TXNRD2: variants seen among roughly 807,000 people sequenced by gnomAD.
TXNRD2 encodes the protein thioredoxin reductase 2.
Under a neutral mutation model 70.8 loss-of-function variants are expected in TXNRD2, and 67 were observed. The observed-to-expected ratio is 0.95, with a 90% CI of 0.78 to 1.16. The LOEUF is 1.16. Ranked by LOEUF, TXNRD2 falls within the 50% of genes most tolerant of loss-of-function variation. The pLI, the probability that TXNRD2 is intolerant of heterozygous loss-of-function variation, is 0.00. For synonymous variants in TXNRD2, 301 were observed against 295.8 expected (o/e 1.02, Z -0.18); for missense variants, 644 against 719.9 (o/e 0.89, Z 1.21).
chr22:19,883,679 C>A, intron 11 of TXNRD2: 1 of 612,442 alleles, frequency 1.6e-6, no homozygotes, highest in Non-Finnish European at 2.9e-6. Context: ...CTCAGCCAGG[C>A]GTGATGGCTC....
intron 8 of TXNRD2, among the ~76,000 whole-genome samples, chr22:19,904,479 C>T (rs969669953): frequency 1.6e-4 from 25 of 152,196 alleles, no homozygotes; most frequent in African/African-American, 4.6e-4. Flanking sequence ...ACTTGGGGCC[C>T]GAGGTGCACT....
At chr22:19,897,464 C>A (rs867056968) in intron 10 of TXNRD2, among the ~76,000 whole-genome samples, 68 of 152,320 alleles carry the variant, frequency 4.5e-4, no homozygotes, top group African/African-American at 1.5e-3. Context: ...AAGAAAATCT[C>A]TATTGCTCCA....
chr22:19,895,563 T>C lies in TXNRD2; in HGVS notation c.793A>G (p.Ile265Val). The C allele has an allele frequency of 6.2e-7, 1 of 1,612,430 alleles. No individual in the cohort carries two copies. Among genetic ancestry groups the C allele is most frequent in the African/African-American group, 1.3e-5 (1 of 75,072 alleles). Reference protein sequence around the residue: ...GFDQQMSSMVIEHMASHGTRF... With the variant: ...GFDQQMSSMVVEHMASHGTRF... ...GTGCCATGAGATGCCATGTGCTCTA[T>C]GACCATGGAGGACATTTGCTGCAAA... The change falls in exon 11 of 18, where the codon ATA becomes GTA. Residue 265 changes from isoleucine to valine, a missense_variant. Around this residue, in one of 3 missense-constraint regions of TXNRD2, gnomAD observed 566 missense variants for 645.0 expected, o/e 0.88. Transcript: ENST00000400521.
chr22:19,933,136 G>A (rs914467467), intron 1 of TXNRD2, among the ~76,000 whole-genome samples: 1 of 152,230 alleles, frequency 6.6e-6, no homozygotes, highest in African/African-American at 2.4e-5. Context: ...TCACCTGGCA[G>A]CCAGCCTCTG....
At chr22:19,910,383 A>G (rs911750101) in intron 8 of TXNRD2, among the ~76,000 whole-genome samples, 4 of 152,164 alleles carry the variant, frequency 2.6e-5, no homozygotes, top group Non-Finnish European at 4.4e-5. Context: ...AGGGTGTTAG[A>G]TGAGGGCTGG....
chr22:19,911,132 TA>T, intron 8 of TXNRD2: 10 of 599,206 alleles, frequency 1.7e-5, no homozygotes, highest in Middle Eastern at 3.9e-4. Context: ...GGTCTCACTA[TA>T]TTGCCCAGGC....
intron 8 of TXNRD2, among the ~76,000 whole-genome samples, chr22:19,904,744 G>C (rs1939932055): frequency 6.6e-6 from 1 of 152,128 alleles, no homozygotes; most frequent in Non-Finnish European, 1.5e-5. Flanking sequence ...TGGTGGAGGA[G>C]CCAACCAGGG....
rs202082297 is a variant in TXNRD2 at position 19,882,926 on chromosome 22, G to A, written c.1086+399C>T. Among the ~76,000 whole-genome samples, 118 of 152,376 alleles carry A rather than the reference G, an allele frequency of 7.7e-4. 1 individual carries two copies. The East Asian group carries it at 0.019, about 25-fold the overall frequency. On this transcript the variant is annotated intron_variant, in intron 12 of 17. Transcript: ENST00000400521. Reference sequence around the variant, plus strand: ...GGGGAGGGCGGGGCCAGGTGGGCCCGAACTAGACCTGCCTCTCAACCCTGT... The same window carrying A: ...GGGGAGGGCGGGGCCAGGTGGGCCCAAACTAGACCTGCCTCTCAACCCTGT...
chr22:19,883,803 A>C, intron 11 of TXNRD2: 3 of 339,866 alleles, frequency 8.8e-6, no homozygotes, highest in Non-Finnish European at 1.1e-5. Context: ...AAAATACAAA[A>C]TTACCTAGGC....
At position 19,918,352 on chromosome 22, in the gene TXNRD2, C is replaced by A. The variant is rs542653268; in HGVS notation, c.375-135G>T. The A allele has an allele frequency of 5.0e-6, 4 of 806,624 alleles. No homozygotes were observed. In the African/African-American group the frequency reaches 6.7e-5, roughly 14 times the overall value. The allele number at this position is 806,624 out of a possible 1,614,324, so 50.0% of individuals were successfully genotyped here. A position where few individuals can be genotyped will look rare whatever the true frequency, so the allele number is the denominator to read the frequency against. ...AAGAGTGCTTTTAAAGGTGGCAAAA[C>A]GTGACATCCATCCCTACGTGCAACC... On this transcript the variant is annotated intron_variant, in intron 4 of 17. Transcript: ENST00000400521.
Position 19,896,251 on chromosome 22 carries a change from TTGTG to T in TXNRD2, c.775-674_775-671del, listed in dbSNP as rs1251819443. ...AGGTGGAGCTTGCAGTGAGCCGAGA[TTGTG>T]CCACTGCACTCCAGCCTGGGTGACA... On this transcript the variant is annotated intron_variant, in intron 10 of 17. Transcript: ENST00000400521. 1.5e-3 allele frequency among the ~76,000 whole-genome samples: 226 copies of T among 151,886 alleles called. 1 individual carries two copies. The highest frequency in any genetic ancestry group is 2.8e-3 in the Non-Finnish European group (193 of 67,950).
At chr22:19,934,068 C>T (rs955957284) in intron 1 of TXNRD2, among the ~76,000 whole-genome samples, 1 of 152,226 alleles carries the variant, frequency 6.6e-6, no homozygotes. Flanking sequence ...CCAAAATGTG[C>T]ACCCACAGGC....
intron 11 of TXNRD2, among the ~76,000 whole-genome samples, chr22:19,892,780 T>C (rs1196962622): frequency 1.3e-5 from 2 of 152,142 alleles, no homozygotes; most frequent in Non-Finnish European, 2.9e-5. Context: ...AGAGTGGAGT[T>C]TATTTGGGAA....
At chr22:19,929,924 A>G (rs1941295195) in intron 2 of TXNRD2, among the ~76,000 whole-genome samples, 1 of 152,208 alleles carries the variant, frequency 6.6e-6, no homozygotes, top group Non-Finnish European at 1.5e-5. Context: ...AGGCGGAGAC[A>G]TACCCAGGAG....
chr22:19,895,118 C>G, intron 11 of TXNRD2: 2 of 1,598,450 alleles, frequency 1.3e-6, no homozygotes, highest in South Asian at 2.2e-5. Context: ...ATGAGGACAC[C>G]TGGCTGATGC....
chr22:19,895,499 CT>C lies in TXNRD2; in HGVS notation c.856del (p.Arg286GlyfsTer31). 1 of 1,613,984 alleles carries C rather than the reference CT, an allele frequency of 6.2e-7. No homozygotes were observed. Among genetic ancestry groups the C allele is most frequent in the Non-Finnish European group, 8.5e-7 (1 of 1,180,038 alleles). On this transcript the variant is annotated frameshift_variant, in exon 11 of 18. Transcript: ENST00000400521. LOFTEE classifies it high-confidence loss of function. ...LRGCAPSRVRRLPDGQLQVTW... is the reference protein window; with the variant it reads ...LRGCAPSRVRXLPDGQLQVTW... ...GACCTGCAGCTGGCCATCAGGGAGC[CT>C]CCTGACCCGCGAGGGGGCACAGCCC...
intron 2 of TXNRD2, among the ~76,000 whole-genome samples, chr22:19,926,881 G>T (rs1344601390): frequency 1.3e-5 from 2 of 152,334 alleles, no homozygotes; most frequent in South Asian, 2.1e-4. Flanking sequence ...GCTGGGGAGA[G>T]GGGGGAAGAG....
chr22:19,882,085 A>G lies in TXNRD2; in HGVS notation c.1086+1240T>C, dbSNP rs1938804857. 1.3e-5 allele frequency among the ~76,000 whole-genome samples: 2 copies of G among 152,202 alleles called. 1 individual carries two copies. The highest frequency in any genetic ancestry group is 4.1e-4 in the South Asian group (2 of 4,830). On this transcript the variant is annotated intron_variant, in intron 12 of 17. Transcript: ENST00000400521. ...AAGAGGCAAATCAGGGCCCAGAGAC[A>G]CACCCAGGAGACTGTCACATGACGA...
intron 2 of TXNRD2, among the ~76,000 whole-genome samples, chr22:19,921,922 G>A (rs756787510): frequency 1.3e-5 from 2 of 152,204 alleles, no homozygotes; most frequent in Non-Finnish European, 2.9e-5. Flanking sequence ...TGCCCCAGTA[G>A]TTGAGAATCA....
Sources: allele counts gnomAD v4.1 joint callset (sites outside exome capture counted in the v4.1 genomes callset), GRCh38; gene constraint gnomAD v4.1.1; regional missense constraint gnomAD v4.1.1; transcripts MANE v1.5; gene names NCBI Gene and HGNC (gene_info 2026-07-23, HGNC 2026-07-21).